The following EFNA5 variants were observed in gnomAD, a reference collection of about 807,000 sequenced individuals.
EFNA5 encodes ephrin-A5.
Under a neutral mutation model 22.9 loss-of-function variants are expected in EFNA5, and 5 were observed. That is an observed-to-expected ratio of 0.22 (90% CI 0.11 to 0.46). The LOEUF (loss-of-function observed/expected upper bound fraction) is 0.46. Among genes scored for constraint, EFNA5 ranks in the 20% least tolerant of loss-of-function variants. The pLI is 0.99. For missense variants in EFNA5, 237 were observed against 293.3 expected, an observed-to-expected ratio of 0.81 and a Z score of 1.40; for synonymous variants, 113 against 112.2, an observed-to-expected ratio of 1.01 and a Z score of -0.04.
At chr5:107,560,838 C>G (rs1748520304) in intron 1 of EFNA5, among the ~76,000 whole-genome samples, 1 of 152,092 alleles carries the variant, frequency 6.6e-6, no homozygotes, top group Admixed American at 6.5e-5. Context: ...GATCAGAATC[C>G]CAAAGGTGAG....
chr5:107,587,419 GA>G (rs1040289879), intron 1 of EFNA5, among the ~76,000 whole-genome samples: 2 of 152,138 alleles, frequency 1.3e-5, no homozygotes, highest in African/African-American at 4.8e-5. Flanking sequence ...TTAAAGTTAT[GA>G]AAAATCAAGC....
At chr5:107,512,596 A>G (rs372295349) in intron 1 of EFNA5, among the ~76,000 whole-genome samples, 2 of 152,126 alleles carry the variant, frequency 1.3e-5, no homozygotes, top group African/African-American at 4.8e-5. Context: ...CCATTAAAAT[A>G]GAGCAATGAG....
intron 1 of EFNA5, among the ~76,000 whole-genome samples, chr5:107,472,088 A>G (rs576114049): frequency 3.8e-4 from 58 of 152,330 alleles, no homozygotes; most frequent in African/African-American, 1.4e-3. Flanking sequence ...TACACACAAA[A>G]TATAAAGTTT....
intron 2 of EFNA5, among the ~76,000 whole-genome samples, chr5:107,399,226 C>A (rs372483475): frequency 6.6e-6 from 1 of 151,712 alleles, no homozygotes. Context: ...CCAAGGCGGG[C>A]AGATCACCTG....
intron 1 of EFNA5, among the ~76,000 whole-genome samples, chr5:107,593,092 T>C (rs755831262): frequency 2.0e-5 from 3 of 152,188 alleles, no homozygotes; most frequent in Non-Finnish European, 4.4e-5. Context: ...TAGCAGTTCT[T>C]ATGTAACTGT....
intron 1 of EFNA5, among the ~76,000 whole-genome samples, chr5:107,604,302 C>G (rs1362654615): frequency 6.6e-6 from 1 of 152,120 alleles, no homozygotes; most frequent in African/African-American, 2.4e-5. Context: ...GCCTCAGCCT[C>G]CCGAGTAGCT....
chr5:107,571,031 CTCTT>C (rs1748791341), intron 1 of EFNA5, among the ~76,000 whole-genome samples: 2 of 152,230 alleles, frequency 1.3e-5, no homozygotes, highest in African/African-American at 2.4e-5. Context: ...GGTGCACTCT[CTCTT>C]CTCTCTCTCT....
At chr5:107,585,017 A>C (rs1051225526) in intron 1 of EFNA5, among the ~76,000 whole-genome samples, 25 of 152,174 alleles carry the variant, frequency 1.6e-4, no homozygotes, top group Admixed American at 1.5e-3. Context: ...GTCAGTAGGG[A>C]AAGTCAATTG....
At chr5:107,466,162 CT>C (rs1749975140) in intron 1 of EFNA5, among the ~76,000 whole-genome samples, 1 of 152,132 alleles carries the variant, frequency 6.6e-6, no homozygotes, top group Admixed American at 6.6e-5. Flanking sequence ...AGATGCAGCC[CT>C]TTGCTAAAAG....
intron 1 of EFNA5, among the ~76,000 whole-genome samples, chr5:107,649,767 C>T (rs912872671): frequency 6.6e-6 from 1 of 152,084 alleles, no homozygotes; most frequent in African/African-American, 2.4e-5. Flanking sequence ...AATTTATTGA[C>T]CACATACTAT....
intron 1 of EFNA5, among the ~76,000 whole-genome samples, chr5:107,477,477 C>T (rs1750342344): frequency 6.6e-6 from 1 of 152,200 alleles, no homozygotes; most frequent in Non-Finnish European, 1.5e-5. Flanking sequence ...TGAGGTATTA[C>T]TGCTCTAGAA....
chr5:107,422,511 C>G (rs776544016), intron 2 of EFNA5, among the ~76,000 whole-genome samples: 1 of 152,074 alleles, frequency 6.6e-6, no homozygotes. Context: ...TGAACACAGA[C>G]CTAAAGAAAG....
At chr5:107,572,867 T>C (rs1029033889) in intron 1 of EFNA5, among the ~76,000 whole-genome samples, 4 of 152,178 alleles carry the variant, frequency 2.6e-5, no homozygotes, top group African/African-American at 7.2e-5. Flanking sequence ...CAGCCCGCTG[T>C]CCCTTATGAT....
intron 1 of EFNA5, among the ~76,000 whole-genome samples, chr5:107,650,733 T>C (rs1216236248): frequency 6.6e-6 from 1 of 152,202 alleles, no homozygotes; most frequent in East Asian, 1.9e-4. Flanking sequence ...TCAGGGAATA[T>C]CCAGAATTTC....
intron 2 of EFNA5, among the ~76,000 whole-genome samples, chr5:107,418,073 T>C (rs540590536): frequency 1.3e-5 from 2 of 152,332 alleles, no homozygotes; most frequent in African/African-American, 4.8e-5. Flanking sequence ...TTCCCAAAGA[T>C]TGACTATGCA....
chr5:107,656,635 C>T (rs1554071632), intron 1 of EFNA5, among the ~76,000 whole-genome samples: 1 of 152,026 alleles, frequency 6.6e-6, no homozygotes, highest in Non-Finnish European at 1.5e-5. Context: ...ATTTCCCCCC[C>T]AATTTATTGA....
At chr5:107,641,696 TTTAA>T (rs140775632) in intron 1 of EFNA5, among the ~76,000 whole-genome samples, 170 of 152,342 alleles carry the variant, frequency 1.1e-3, no homozygotes, top group African/African-American at 3.8e-3. Flanking sequence ...GCATTTAATT[TTTAA>T]TTAAATTTCA....
intron 1 of EFNA5, among the ~76,000 whole-genome samples, chr5:107,522,521 C>T (rs1747618805): frequency 6.6e-6 from 1 of 152,114 alleles, no homozygotes; most frequent in Non-Finnish European, 1.5e-5. Flanking sequence ...ACTTCAGCCT[C>T]CCAAGTAGCT....
chr5:107,407,293 A>G (rs2112396855), intron 2 of EFNA5, among the ~76,000 whole-genome samples: 2 of 152,312 alleles, frequency 1.3e-5, no homozygotes, highest in East Asian at 1.9e-4. Flanking sequence ...AAGGAGTGAC[A>G]TAGACCTGGA....
Sources: allele counts gnomAD v4.1 joint callset (sites outside exome capture counted in the v4.1 genomes callset), GRCh38; gene constraint gnomAD v4.1.1; transcripts MANE v1.5; gene names NCBI Gene and HGNC (gene_info 2026-07-23, HGNC 2026-07-21).